ZSCAN5A: variants seen among roughly 807,000 people sequenced by gnomAD.
The protein encoded by ZSCAN5A is zinc finger and SCAN domain containing 5A.
ZSCAN5A carries 12 observed loss-of-function variants against 23.7 expected under a neutral mutation model. The observed-to-expected ratio is 0.51, with a 90% CI of 0.32 to 0.82. ZSCAN5A has a LOEUF of 0.82. Ranked by LOEUF, ZSCAN5A falls within the 40% of genes least tolerant of loss-of-function variation. ZSCAN5A has a pLI of 0.03. For missense variants in ZSCAN5A, 597 were observed against 617.9 expected (o/e 0.97, Z 0.36); for synonymous variants, 257 against 239.9 (o/e 1.07, Z -0.66).
At chr19:56,342,750 C>T in intron 2 of ZSCAN5A, 1 of 687,238 alleles carries the variant, frequency 1.5e-6, no homozygotes. Flanking sequence ...TATTCATCAT[C>T]CAAGGCCAAC....
intron 2 of ZSCAN5A, among the ~76,000 whole-genome samples, chr19:56,336,926 C>G (rs1450272882): frequency 6.6e-6 from 1 of 152,200 alleles, no homozygotes; most frequent in Non-Finnish European, 1.5e-5. Flanking sequence ...ATGCTGCTGC[C>G]TGATCATTCC....
chr19:56,319,829 T>C, upstream of ZSCAN5A: 1 of 780,488 alleles, frequency 1.3e-6, no homozygotes, highest in South Asian at 1.3e-5. Context: ...GTCGAGGTTC[T>C]CTTCTGCAGT....
chr19:56,355,155 C>T lies in ZSCAN5A; in HGVS notation c.-358+8080G>A, dbSNP rs182028708. Among the ~76,000 whole-genome samples, 964 of 149,824 alleles carry T rather than the reference C, an allele frequency of 6.4e-3. 79 individuals carry two copies. Among genetic ancestry groups the T allele is most frequent in the Admixed American group, 0.057 (866 of 15,134 alleles). On this transcript the variant is annotated intron_variant, in intron 2 of 6. Transcript: ENST00000587340. ...ATTTTGTTCCCAATTGACAGCTCCA[C>T]GGGTCTCCCATACATAATTTCAGAA...
chr19:56,310,784 A>G (rs1037368538), intron 2 of ZSCAN5A, among the ~76,000 whole-genome samples: 12 of 152,132 alleles, frequency 7.9e-5, no homozygotes, highest in Non-Finnish European at 1.6e-4. Context: ...ATTCTGGAGG[A>G]GGTTCCTTGT....
At chr19:56,238,992 G>A (rs1223064608) in intron 2 of ZSCAN5A, among the ~76,000 whole-genome samples, 1 of 152,150 alleles carries the variant, frequency 6.6e-6, no homozygotes, top group Non-Finnish European at 1.5e-5. Flanking sequence ...TCTTAACAAG[G>A]AAAAATATCA....
chr19:56,228,204 C>T (rs1160451101), intron 2 of ZSCAN5A: 5 of 984,980 alleles, frequency 5.1e-6, no homozygotes, highest in Admixed American at 1.2e-4. Context: ...AACCAACCCC[C>T]GACATGCCAG....
intron 2 of ZSCAN5A, among the ~76,000 whole-genome samples, chr19:56,240,815 C>T (rs946905685): frequency 2.6e-5 from 4 of 151,836 alleles, no homozygotes; most frequent in African/African-American, 7.3e-5. Flanking sequence ...CAGTCATTGG[C>T]GAGACTTCAC....
intron 2 of ZSCAN5A, chr19:56,263,433 T>C (rs1364451127): frequency 6.6e-6 from 1 of 152,132 alleles, no homozygotes; most frequent in Non-Finnish European, 1.5e-5. Flanking sequence ...TCCTTTCATC[T>C]CCAAGCCAGA....
intron 2 of ZSCAN5A, among the ~76,000 whole-genome samples, chr19:56,290,848 T>C (rs1232080275): frequency 6.6e-6 from 1 of 152,196 alleles, no homozygotes; most frequent in East Asian, 1.9e-4. Flanking sequence ...CAGTAAAAAG[T>C]AAGTTATTTT....
chr19:56,276,017 C>T (rs1199839630), intron 2 of ZSCAN5A, among the ~76,000 whole-genome samples: 1 of 152,206 alleles, frequency 6.6e-6, no homozygotes, highest in Admixed American at 6.5e-5. Flanking sequence ...TTGCACTGAT[C>T]TGAGTCTAAT....
At chr19:56,281,546 TAAC>T (rs2038707314) in intron 2 of ZSCAN5A, 2 of 269,336 alleles carry the variant, frequency 7.4e-6, no homozygotes, top group Non-Finnish European at 5.7e-6. Flanking sequence ...GCACTCCATA[TAAC>T]AACAGGCAAA....
At chr19:56,331,211 T>C (rs1208554116) in intron 2 of ZSCAN5A, among the ~76,000 whole-genome samples, 2 of 152,216 alleles carry the variant, frequency 1.3e-5, no homozygotes, top group Non-Finnish European at 2.9e-5. Flanking sequence ...GTGGTACAGT[T>C]TGAAGTCAAG....
chr19:56,241,243 G>A (rs1379675110), intron 2 of ZSCAN5A, among the ~76,000 whole-genome samples: 3 of 152,156 alleles, frequency 2.0e-5, no homozygotes, highest in Admixed American at 6.5e-5. Flanking sequence ...GTGAATACAC[G>A]GTGATTTCTA....
chr19:56,252,568 G>C (rs1364559846), intron 2 of ZSCAN5A, among the ~76,000 whole-genome samples: 2 of 152,192 alleles, frequency 1.3e-5, no homozygotes, highest in Non-Finnish European at 2.9e-5. Flanking sequence ...CAGGGGTACT[G>C]CACAGGGTTT....
intron 2 of ZSCAN5A, among the ~76,000 whole-genome samples, chr19:56,338,996 A>G (rs1257636555): frequency 6.6e-6 from 1 of 152,248 alleles, no homozygotes; most frequent in Admixed American, 6.5e-5. Context: ...CAGGGAATTC[A>G]TTCTAAATGG....
intron 5 of ZSCAN5A, 132 bp from the exon 6 acceptor site, chr19:56,222,458 T>C: frequency 3.2e-6 from 5 of 1,549,040 alleles, no homozygotes; most frequent in Non-Finnish European, 4.3e-6. Flanking sequence ...ACTGTAGGTC[T>C]CTGGAAAGTA....
intron 1 of ZSCAN5A, among the ~76,000 whole-genome samples, chr19:56,367,001 G>A (rs1488458596): frequency 1.3e-5 from 2 of 152,038 alleles, no homozygotes; most frequent in East Asian, 1.9e-4. Flanking sequence ...AACTGGTGAC[G>A]TATTAAAACC....
chr19:56,246,427 G>T, intron 2 of ZSCAN5A: 1 of 567,448 alleles, frequency 1.8e-6, no homozygotes. Context: ...AGAAAACACG[G>T]GACTTACATC....
At chr19:56,347,942 T>C (rs2041644812) in intron 2 of ZSCAN5A, 1 of 152,320 alleles carries the variant, frequency 6.6e-6, no homozygotes, top group Non-Finnish European at 1.5e-5. Flanking sequence ...CATCTGCTAG[T>C]TGCTATTGAT....
Sources: allele counts gnomAD v4.1 joint callset (sites outside exome capture counted in the v4.1 genomes callset), GRCh38; gene constraint gnomAD v4.1.1; transcripts MANE v1.5; gene names NCBI Gene and HGNC (gene_info 2026-07-23, HGNC 2026-07-21).